LAMC1: variants seen among roughly 807,000 people sequenced by gnomAD.
LAMC1 encodes laminin subunit gamma-1.
Under a neutral mutation model 173.6 loss-of-function variants are expected in LAMC1, and 38 were observed. The observed-to-expected ratio is 0.22, with a 90% CI of 0.17 to 0.29. The LOEUF (loss-of-function observed/expected upper bound fraction) is 0.29. Among genes scored for constraint, LAMC1 ranks in the 10% least tolerant of loss-of-function variants. The pLI is 1.00. For missense variants in LAMC1, 1,824 were observed against 2,051.8 expected (o/e 0.89, Z 2.14); for synonymous variants, 746 against 749.1 (o/e 1.00, Z 0.07).
In LAMC1 at chr1:183,143,016, T is replaced by TAA. The variant is rs1657158396; in HGVS notation, c.*226_*227insAA. 1 of 485,916 alleles carries TAA rather than the reference T, an allele frequency of 2.1e-6. No homozygotes were observed. Among genetic ancestry groups the TAA allele is most frequent in the South Asian group, 2.4e-5 (1 of 40,902 alleles). 30.1% of individuals were successfully genotyped at this position (485,916 alleles called of 1,614,324 possible). A position where few individuals can be genotyped will look rare whatever the true frequency, so the allele number is the denominator to read the frequency against. On this transcript the variant is annotated 3_prime_UTR_variant, in exon 28 of 28. Coordinates refer to ENST00000258341, the MANE Select transcript of LAMC1 (RefSeq NM_002293.4). ...AATAAAGTGTCTCTTCCATTCACGT[T>TAA]GCTACCTTACCCACACTTTCCCTTC...
intron 1 of LAMC1, among the ~76,000 whole-genome samples, chr1:183,048,479 A>G (rs999476971): frequency 6.6e-6 from 1 of 152,136 alleles, no homozygotes; most frequent in African/African-American, 2.4e-5. Flanking sequence ...ATGACATCCA[A>G]TTCTGTTTTT....
intron 1 of LAMC1, among the ~76,000 whole-genome samples, chr1:183,102,808 A>C (rs1051734147): frequency 2.6e-5 from 4 of 152,128 alleles, no homozygotes; most frequent in Admixed American, 6.5e-5. Flanking sequence ...CCCTTCTTCA[A>C]ATGTCTGTAT....
chr1:183,090,189 C>T (rs991293432), intron 1 of LAMC1, among the ~76,000 whole-genome samples: 11 of 151,472 alleles, frequency 7.3e-5, no homozygotes, highest in African/African-American at 2.4e-4. Flanking sequence ...AAATAAAAGC[C>T]AATTAAGACC....
chr1:183,056,741 C>A (rs1654607156), intron 1 of LAMC1, among the ~76,000 whole-genome samples: 1 of 152,158 alleles, frequency 6.6e-6, no homozygotes, highest in Admixed American at 6.5e-5. Flanking sequence ...TAGACTAGAG[C>A]TTTCTCCACC....
chr1:183,053,097 T>C (rs1200349042), intron 1 of LAMC1, among the ~76,000 whole-genome samples: 1 of 152,232 alleles, frequency 6.6e-6, no homozygotes, highest in Non-Finnish European at 1.5e-5. Context: ...TCTGAATTTA[T>C]TTGTTTGAAT....
chr1:183,133,932 A>G (rs145790610), intron 22 of LAMC1, among the ~76,000 whole-genome samples: 1 of 152,364 alleles, frequency 6.6e-6, no homozygotes, highest in Non-Finnish European at 1.5e-5. Flanking sequence ...GTGCAAATCC[A>G]AATTATAATA....
At position 183,091,811 on chromosome 1, in the gene LAMC1, G is replaced by A. The variant is rs750601906; in HGVS notation, c.419-11517G>A. Among the ~76,000 whole-genome samples, 97 of 152,118 alleles carry A rather than the reference G, an allele frequency of 6.4e-4. 1 individual carries two copies. Among genetic ancestry groups the A allele is most frequent in the Non-Finnish European group, 1.9e-4 (13 of 68,012 alleles). On this transcript the variant is annotated intron_variant, in intron 1 of 27. Coordinates refer to ENST00000258341, the MANE Select transcript of LAMC1 (RefSeq NM_002293.4). Reference sequence around the variant, plus strand: ...TGTCCCTTATCATCGAGAATTGCTGGTGGTCCTGTATCATTTTATTATAGG... The same window carrying A: ...TGTCCCTTATCATCGAGAATTGCTGATGGTCCTGTATCATTTTATTATAGG...
intron 25 of LAMC1, 121 bp downstream of exon 25, chr1:183,136,706 T>TA: frequency 1.3e-6 from 1 of 786,722 alleles, no homozygotes. Flanking sequence ...AAAATTGTCT[T>TA]AAACCATATT....
rs1225605856 is a variant in LAMC1, at chr1:183,114,678, G to A, written c.1169G>A (p.Gly390Asp). The A allele has an allele frequency of 8.1e-6, 13 of 1,614,062 alleles. No individual in the cohort carries two copies. The highest frequency in any genetic ancestry group is 3.3e-5 in the Admixed American group (2 of 60,002). Residue 390 changes from glycine (G) to aspartate (D), a missense_variant, in exon 5 of 28, where the codon GGC (glycine) becomes GAC (aspartate). Transcript: ENST00000258341. Reference sequence around the variant, plus strand: ...TGCCGAGAGAACTTCTTCCGCCTTGGCAACAATGAAGCCTGCTCTTCATGC... The same window carrying A: ...TGCCGAGAGAACTTCTTCCGCCTTGACAACAATGAAGCCTGCTCTTCATGC... ...ERCRENFFRL[G>D]NNEACSSCHC... is the part of the protein sequence containing the mutation.
chr1:183,028,166 CTCT>C (rs1653743800), intron 1 of LAMC1, among the ~76,000 whole-genome samples: 4 of 151,248 alleles, frequency 2.6e-5, no homozygotes, highest in African/African-American at 4.9e-5. Flanking sequence ...CCCCCCCCAC[CTCT>C]TCCATTTGTC....
rs747363171 is a variant in LAMC1 at position 183,117,355 on chromosome 1, T to C, written c.1600T>C (p.Ser534Pro). 4.3e-6 allele frequency: 7 copies of C among 1,612,774 alleles called. No individual in the cohort carries two copies. The highest frequency in any genetic ancestry group is 5.9e-6 in the Non-Finnish European group (7 of 1,178,932). The change falls in exon 9 of 28, where the codon TCT becomes CCT. Residue 534 changes from serine (S) to proline (P), a missense_variant. By Grantham distance (74) the Ser-to-Pro change is moderately conservative. Coordinates refer to ENST00000258341, the MANE Select transcript of LAMC1 (RefSeq NM_002293.4). ...DGWRAEQRDG[S>P]EASLEWSSER... Reference sequence around the variant, plus strand: ...GTGGCGTGCGGAACAGAGAGATGGCTCTGAAGCATCTCTCGAGTGGTCCTC... The same window carrying C: ...GTGGCGTGCGGAACAGAGAGATGGCCCTGAAGCATCTCTCGAGTGGTCCTC...
intron 6 of LAMC1, among the ~76,000 whole-genome samples, chr1:183,116,324 A>G (rs1471154412): frequency 6.6e-6 from 1 of 151,858 alleles, no homozygotes; most frequent in Non-Finnish European, 1.5e-5. Flanking sequence ...TAAAAATACA[A>G]AAATTAGCTG....
chr1:183,071,328 A>G (rs1404388038), intron 1 of LAMC1, among the ~76,000 whole-genome samples: 1 of 152,186 alleles, frequency 6.6e-6, no homozygotes, highest in Admixed American at 6.5e-5. Context: ...GGAGTTTCTC[A>G]CTTGAAAATT....
Position 183,132,464 on chromosome 1 carries a change from G to A in LAMC1, c.3631G>A (p.Ala1211Thr), listed in dbSNP as rs200853597. The change falls in exon 21 of 28, where the codon GCA becomes ACA. Residue 1211 changes from alanine (A) to threonine (T), a missense_variant. Transcript: ENST00000258341. ...GACAGCCAATGATACGTCAACTGAGGCATACAACCTGCTTCTGAGGACACT... is the reference window on the plus strand; with the variant it reads ...GACAGCCAATGATACGTCAACTGAGACATACAACCTGCTTCTGAGGACACT... ...AKTANDTSTE[A>T]YNLLLRTLAG... 325 of 1,613,224 alleles carry A rather than the reference G, an allele frequency of 2.0e-4. 1 individual carries two copies. In the Middle Eastern group the frequency reaches 3.1e-3, roughly 16 times the overall value.
chr1:183,089,566 C>A (rs1055441547), intron 1 of LAMC1, among the ~76,000 whole-genome samples: 5 of 152,076 alleles, frequency 3.3e-5, no homozygotes, highest in African/African-American at 1.2e-4. Flanking sequence ...TTACTACTTT[C>A]CAATTAAAGA....
intron 1 of LAMC1, among the ~76,000 whole-genome samples, chr1:183,038,544 A>G (rs930659641): frequency 7.1e-5 from 8 of 113,236 alleles, no homozygotes; most frequent in African/African-American, 1.7e-4. Context: ...TTCTTCAGAG[A>G]GAATGAAGGG....
chr1:183,139,816 T>C (rs1041979967), intron 26 of LAMC1, among the ~76,000 whole-genome samples: 1 of 152,202 alleles, frequency 6.6e-6, no homozygotes, highest in Non-Finnish European at 1.5e-5. Context: ...TTACCTTTGT[T>C]TGGTTTTTAA....
chr1:183,095,729 G>A (rs1318806089), intron 1 of LAMC1, among the ~76,000 whole-genome samples: 1 of 152,116 alleles, frequency 6.6e-6, no homozygotes, highest in Non-Finnish European at 1.5e-5. Flanking sequence ...CATGAATTAG[G>A]TCTGGTATTG....
chr1:183,047,704 G>A (rs1405022169), intron 1 of LAMC1, among the ~76,000 whole-genome samples: 1 of 152,166 alleles, frequency 6.6e-6, no homozygotes, highest in Non-Finnish European at 1.5e-5. Context: ...GTATTTAGTG[G>A]ACAGGAGGGG....
Sources: allele counts gnomAD v4.1 joint callset (sites outside exome capture counted in the v4.1 genomes callset), GRCh38; gene constraint gnomAD v4.1.1; transcripts MANE v1.5; gene names NCBI Gene and HGNC (gene_info 2026-07-23, HGNC 2026-07-21).